The following CEP85 variants were observed in gnomAD, a reference collection of about 807,000 sequenced individuals.
CEP85 encodes the protein centrosomal protein of 85 kDa.
Under a neutral mutation model 93.7 loss-of-function variants are expected in CEP85, and 58 were observed. The ratio of observed to expected loss-of-function variants is 0.62; its 90% CI spans 0.50 to 0.77. The LOEUF (loss-of-function observed/expected upper bound fraction) is 0.77, where lower values mean the gene tolerates loss of function less well. Among genes scored for constraint, CEP85 ranks in the 30% least tolerant of loss-of-function variants. CEP85 has a pLI of 0.00. For missense variants in CEP85, 868 were observed against 922.0 expected, an observed-to-expected ratio of 0.94 and a Z score of 0.76; for synonymous variants, 314 against 338.6, an observed-to-expected ratio of 0.93 and a Z score of 0.80.
intron 6 of CEP85, 41 bp downstream of exon 6, chr1:26,258,301 C>T (rs200818910): frequency 8.6e-5 from 113 of 1,315,348 alleles, no homozygotes; most frequent in Non-Finnish European, 1.2e-4. Context: ...TTTGTCATAA[C>T]TCGGTGTCTT....
At chr1:26,261,602 T>G (rs2089809145) in intron 7 of CEP85, among the ~76,000 whole-genome samples, 1 of 151,838 alleles carries the variant, frequency 6.6e-6, no homozygotes, top group Non-Finnish European at 1.5e-5. Context: ...AATAAAAAAT[T>G]TAGTAGTTCT....
chr1:26,276,845 G>A, intron 13 of CEP85, 85 bp downstream of exon 13: 1 of 1,095,710 alleles, frequency 9.1e-7, no homozygotes, highest in Non-Finnish European at 1.3e-6. Flanking sequence ...ATATTCTTGT[G>A]GTAATATGTA....
At chr1:26,235,783 G>C (rs1379053453) in intron 1 of CEP85, among the ~76,000 whole-genome samples, 1 of 152,018 alleles carries the variant, frequency 6.6e-6, no homozygotes, top group East Asian at 1.9e-4. Flanking sequence ...TGTTGGTCAG[G>C]CTGGTCTCAA....
At chr1:26,276,461 C>A in intron 12 of CEP85, 74 bp from the exon 13 acceptor site, 1 of 1,216,694 alleles carries the variant, frequency 8.2e-7, no homozygotes, top group Non-Finnish European at 1.2e-6. Flanking sequence ...CCCTTCCACA[C>A]CCACACACTC....
intron 7 of CEP85, among the ~76,000 whole-genome samples, chr1:26,267,884 A>C (rs1248414591): frequency 6.6e-6 from 1 of 152,172 alleles, no homozygotes; most frequent in Non-Finnish European, 1.5e-5. Context: ...AAATTTACTC[A>C]TGATGGGATC....
intron 7 of CEP85, chr1:26,263,136 TC>T: frequency 4.6e-6 from 1 of 219,538 alleles, no homozygotes. Flanking sequence ...CAGTACTCTG[TC>T]CAATCACATC....
Position 26,249,955 on chromosome 1 carries a change from TATAGCC to T in CEP85, c.209-5213_209-5208del, listed in dbSNP as rs2089577673. Among the ~76,000 whole-genome samples, 6 of 152,272 alleles carry T rather than the reference TATAGCC, an allele frequency of 3.9e-5. No homozygotes were observed. In the South Asian group the frequency reaches 1.2e-3, roughly 32 times the overall value. On this transcript the variant is annotated intron_variant, in intron 3 of 13. Coordinates refer to ENST00000451429, the MANE Select transcript of CEP85 (RefSeq NM_001319944.2). ...TCACACAGGTACCATCATAGTGTAC[TATAGCC>T]ATGAACTCGGTGGGGCTCAAGTAAT...
intron 12 of CEP85, among the ~76,000 whole-genome samples, chr1:26,276,239 C>T (rs943736113): frequency 6.6e-6 from 1 of 152,138 alleles, no homozygotes; most frequent in Non-Finnish European, 1.5e-5. Context: ...TTCCTAGGGG[C>T]GGGAGCATCT....
rs2090074750 is a variant in CEP85, at chr1:26,277,746, T to G, written c.*453T>G. On this transcript the variant is annotated 3_prime_UTR_variant, in exon 14 of 14. Coordinates refer to ENST00000451429, the MANE Select transcript of CEP85 (RefSeq NM_001319944.2). ...GCCATTTAAGAATTCTCAGGCCCCA[T>G]GTGCCAGCCTTCTTGGGAACTGAGC... 1 of 155,642 alleles carries G rather than the reference T, an allele frequency of 6.4e-6. No homozygotes were observed. The highest frequency in any genetic ancestry group is 1.9e-4 in the South Asian group (1 of 5,290). The allele number at this position is 155,642 out of a possible 1,614,324, so 9.6% of individuals were successfully genotyped here.
chr1:26,276,668 G>T lies in CEP85; in HGVS notation c.2036G>T (p.Ser679Ile), dbSNP rs747138814. The change falls in exon 13 of 14, where the codon AGT (serine) becomes ATT (isoleucine). Residue 679 changes from serine (S) to isoleucine (I), a missense_variant. Transcript: ENST00000451429. ...LALELHQELA[S>I]CLQDLQAVCS... Reference sequence around the variant, plus strand: ...CTTGAGCTGCACCAGGAGTTGGCCAGTTGCCTTCAAGATCTGCAGGCTGTC... The same window carrying T: ...CTTGAGCTGCACCAGGAGTTGGCCATTTGCCTTCAAGATCTGCAGGCTGTC... 2.7e-5 allele frequency: 43 copies of T among 1,614,116 alleles called. No individual in the cohort carries two copies. Among genetic ancestry groups the T allele is most frequent in the Admixed American group, 1.3e-4 (8 of 60,006 alleles).
intron 7 of CEP85, among the ~76,000 whole-genome samples, chr1:26,262,352 C>T (rs1010424857): frequency 6.6e-6 from 1 of 151,868 alleles, no homozygotes; most frequent in Non-Finnish European, 1.5e-5. Flanking sequence ...GTGGTGGGCT[C>T]CTGTAACCTC....
chr1:26,245,366 T>C (rs1569971873), intron 3 of CEP85, among the ~76,000 whole-genome samples: 1 of 152,032 alleles, frequency 6.6e-6, no homozygotes, highest in Non-Finnish European at 1.5e-5. Context: ...GGGGCTCTTT[T>C]TTTCCTTCTT....
At chr1:26,237,664 CT>C (rs1361681902) in intron 1 of CEP85, among the ~76,000 whole-genome samples, 3 of 152,130 alleles carry the variant, frequency 2.0e-5, no homozygotes, top group Non-Finnish European at 4.4e-5. Context: ...CTTATTGAAG[CT>C]TTTGTGTAAA....
intron 1 of CEP85, among the ~76,000 whole-genome samples, chr1:26,238,742 G>T (rs1324636595): frequency 6.6e-6 from 1 of 152,138 alleles, no homozygotes; most frequent in Non-Finnish European, 1.5e-5. Flanking sequence ...ATTTGCCCAA[G>T]GTTACACAGC....
Position 26,255,594 on chromosome 1 carries a change from G to C in CEP85, c.632G>C (p.Arg211Thr). The part of the protein sequence containing the change: ...PHHRVRFHNP[R>T]TSTSKELYRV... ...CACCGAGTCCGCTTCCACAACCCAA[G>C]AACCAGCACAAGTAAGGAGTTGTAC... The change falls in exon 4 of 14, where the codon AGA becomes ACA. Residue 211 changes from arginine to threonine, a missense_variant. Arg to Thr is a moderately conservative substitution (Grantham distance 71, BLOSUM62 -1). Coordinates refer to ENST00000451429, the MANE Select transcript of CEP85 (RefSeq NM_001319944.2). 6.2e-7 allele frequency: 1 copy of C among 1,614,036 alleles called. No individual in the cohort carries two copies.
At chr1:26,246,844 A>G (rs532973938) in intron 3 of CEP85, among the ~76,000 whole-genome samples, 23 of 152,288 alleles carry the variant, frequency 1.5e-4, no homozygotes, top group African/African-American at 5.3e-4. Flanking sequence ...AGAAAATAAA[A>G]TGAAATAACC....
intron 1 of CEP85, among the ~76,000 whole-genome samples, chr1:26,237,646 C>T (rs533820218): frequency 2.6e-5 from 4 of 152,232 alleles, no homozygotes; most frequent in South Asian, 2.1e-4. Context: ...AATGCTGCTA[C>T]GAACATTCTT....
At chr1:26,257,851 T>G (rs1557659126) in intron 5 of CEP85, 121 bp downstream of exon 5, 1 of 1,118,506 alleles carries the variant, frequency 8.9e-7, no homozygotes, top group East Asian at 2.4e-5. Context: ...TCTTGCCTCA[T>G]GGTGGAGGTA....
chr1:26,256,928 G>GTGTGTGTGTGT (rs199539021), intron 4 of CEP85, among the ~76,000 whole-genome samples: 21,828 of 111,126 alleles, frequency 0.2, 2,647 homozygotes, highest in Non-Finnish European at 0.23. Flanking sequence ...GTTTTGTTTT[G>GTGTGTGTGTGT]GTGTGTGTGT....
Sources: gnomAD v4.1 joint callset for allele counts (sites outside exome capture counted in the v4.1 genomes callset) on GRCh38, gnomAD v4.1.1 for gene constraint, MANE v1.5 for transcripts, NCBI Gene and HGNC (gene_info 2026-07-23, HGNC 2026-07-21) for gene names.